Variants in ABTB2 observed in about 807,000 individuals in gnomAD.
The protein encoded by ABTB2 is ankyrin repeat and BTB/POZ domain-containing protein 2.
A neutral mutation model predicts 104.1 loss-of-function variants in ABTB2; 56 were observed. The observed-to-expected ratio is 0.54, with a 90% CI of 0.43 to 0.67. ABTB2 has a LOEUF of 0.67. Ranked by LOEUF, ABTB2 falls within the 30% of genes least tolerant of loss-of-function variation. The probability of loss-of-function intolerance (pLI) is 0.00; values close to 1 mark genes in which losing one functional copy is unlikely to be tolerated. For missense variants in ABTB2, 1,279 were observed against 1,407.7 expected (o/e 0.91, Z 1.46); for synonymous variants, 606 against 608.2 (o/e 1.00, Z 0.05).
At chr11:34,313,040 A>C (rs2133106168) in intron 1 of ABTB2, among the ~76,000 whole-genome samples, 1 of 152,380 alleles carries the variant, frequency 6.6e-6, no homozygotes, top group East Asian at 1.9e-4. Context: ...TTTCTTAGCA[A>C]GTGAAACTAC....
Position 34,152,395 on chromosome 11 carries a change from G to T in ABTB2, c.3070C>A (p.Arg1024=). The stretch of plus-strand genomic sequence containing the variant: ...AGCCTCCGCCCCCTGCCTCACACCC[G>T]GGAGGTGATGTAGACAGAGTGCACG... ...ERVHSVYITS[R]V The change falls in exon 17 of 17, where the codon CGG becomes AGG. Residue 1024 remains arginine, a synonymous_variant. Coordinates refer to ENST00000435224, the MANE Select transcript of ABTB2 (RefSeq NM_145804.3). The T allele has an allele frequency of 6.4e-7, 1 of 1,566,794 alleles. No individual in the cohort carries two copies.
At chr11:34,342,858 A>G (rs1285267922) in intron 1 of ABTB2, among the ~76,000 whole-genome samples, 1 of 152,208 alleles carries the variant, frequency 6.6e-6, no homozygotes, top group African/African-American at 2.4e-5. Context: ...AAAGATGGGA[A>G]TCACAGTATT....
In ABTB2 at chr11:34,164,869, C is replaced by T. The variant is rs377550960; in HGVS notation, c.1853-48G>A. On this transcript the variant is annotated intron_variant, in intron 8 of 16. Coordinates refer to ENST00000435224, the MANE Select transcript of ABTB2 (RefSeq NM_145804.3). ...CGGAGGACACTGAGACAGTAGCCGCCAGGGCAGCTGAGGCGAAAGGGAAGG... is the reference window on the plus strand; with the variant it reads ...CGGAGGACACTGAGACAGTAGCCGCTAGGGCAGCTGAGGCGAAAGGGAAGG... 3 of 1,563,364 alleles carry T rather than the reference C, an allele frequency of 1.9e-6. No individual in the cohort carries two copies. The African/African-American group carries it at 4.2e-5, about 22-fold the overall frequency.
chr11:34,325,245 T>C (rs896019806), intron 1 of ABTB2, among the ~76,000 whole-genome samples: 7 of 152,222 alleles, frequency 4.6e-5, no homozygotes, highest in African/African-American at 1.2e-4. Context: ...AGAGCCTCTT[T>C]AGTGGTCCAT....
chr11:34,179,312 C>A (rs1690157118), intron 3 of ABTB2, among the ~76,000 whole-genome samples: 1 of 152,184 alleles, frequency 6.6e-6, no homozygotes, highest in Admixed American at 6.5e-5. Context: ...CAAATAACTT[C>A]TTGTTATGAA....
At chr11:34,268,040 C>G (rs376261998) in intron 1 of ABTB2, among the ~76,000 whole-genome samples, 1 of 152,280 alleles carries the variant, frequency 6.6e-6, no homozygotes, top group South Asian at 2.1e-4. Flanking sequence ...AAGTGATTCT[C>G]CAGCCTCAGC....
intron 1 of ABTB2, among the ~76,000 whole-genome samples, chr11:34,229,360 AGTCCCAGCTAC>A (rs1590223507): frequency 1.3e-5 from 2 of 151,376 alleles, no homozygotes; most frequent in African/African-American, 4.9e-5. Flanking sequence ...GGGCGCCTGT[AGTCCCAGCTAC>A]TCGGGAGGCT....
intron 1 of ABTB2, among the ~76,000 whole-genome samples, chr11:34,297,858 C>CT (rs1229965819): frequency 6.6e-6 from 1 of 151,544 alleles, no homozygotes; most frequent in Non-Finnish European, 1.5e-5. Context: ...AAGGTGGGGC[C>CT]TTTTAAGAGG....
intron 1 of ABTB2, among the ~76,000 whole-genome samples, chr11:34,261,303 TGGACA>T (rs923133122): frequency 1.1e-4 from 16 of 152,140 alleles, no homozygotes; most frequent in African/African-American, 3.6e-4. Flanking sequence ...GTCACAGCTG[TGGACA>T]GGAAAGATCC....
chr11:34,297,229 A>T (rs902528787), intron 1 of ABTB2, among the ~76,000 whole-genome samples: 1 of 152,136 alleles, frequency 6.6e-6, no homozygotes, highest in Non-Finnish European at 1.5e-5. Flanking sequence ...GCTTTTCCTT[A>T]AAGGTCCCCT....
At chr11:34,156,987 A>C (rs1476167282) in intron 14 of ABTB2, among the ~76,000 whole-genome samples, 2 of 152,228 alleles carry the variant, frequency 1.3e-5, no homozygotes, top group African/African-American at 4.8e-5. Context: ...AGTACTGTCT[A>C]GATGTCCTTG....
At chr11:34,217,437 G>T (rs540740309) in intron 1 of ABTB2, among the ~76,000 whole-genome samples, 1 of 152,136 alleles carries the variant, frequency 6.6e-6, no homozygotes, top group African/African-American at 2.4e-5. Flanking sequence ...ACTGTGCACA[G>T]GTTTTTGTGT....
intron 1 of ABTB2, among the ~76,000 whole-genome samples, chr11:34,345,816 G>A (rs10742313): frequency 0.15 from 23,336 of 152,054 alleles, 3,095 homozygotes; most frequent in East Asian, 0.35. Flanking sequence ...CTGCTGAGAT[G>A]GGCTGAAGAA....
intron 3 of ABTB2, among the ~76,000 whole-genome samples, chr11:34,173,782 A>C (rs552413449): frequency 6.6e-6 from 1 of 150,980 alleles, no homozygotes; most frequent in South Asian, 2.1e-4. Flanking sequence ...TCACAGACCC[A>C]GGTCCAAACC....
intron 1 of ABTB2, chr11:34,334,968 A>G (rs1004075699): frequency 1.4e-5 from 7 of 496,804 alleles, no homozygotes; most frequent in African/African-American, 1.3e-4. Context: ...CAATTTTAAA[A>G]TCCCATATCA....
intron 1 of ABTB2, among the ~76,000 whole-genome samples, chr11:34,294,323 G>T (rs759228696): frequency 1.3e-5 from 2 of 152,026 alleles, no homozygotes; most frequent in Non-Finnish European, 2.9e-5. Flanking sequence ...AGAGCGAGAC[G>T]CTGTCAAAAA....
intron 1 of ABTB2, among the ~76,000 whole-genome samples, chr11:34,234,716 C>T (rs1853818167): frequency 6.6e-6 from 1 of 152,212 alleles, no homozygotes; most frequent in Non-Finnish European, 1.5e-5. Flanking sequence ...AACTAATTGC[C>T]TATTGCGACT....
chr11:34,152,597 G>C lies in ABTB2; in HGVS notation c.2881-13C>G, dbSNP rs747587891. ...GGGCATTGTGGATCTGTAGGGCAGA[G>C]AGAGGAGGGGTGAAGCCCATCGCCT... On this transcript the variant is annotated splice_polypyrimidine_tract_variant and intron_variant, in intron 16 of 16. Coordinates refer to ENST00000435224, the MANE Select transcript of ABTB2 (RefSeq NM_145804.3). The C allele has an allele frequency of 6.3e-6, 10 of 1,593,448 alleles. No individual in the cohort carries two copies. In the Admixed American group the frequency reaches 8.5e-5, roughly 13 times the overall value.
At chr11:34,333,558 C>G (rs959030103) in intron 1 of ABTB2, among the ~76,000 whole-genome samples, 1 of 152,124 alleles carries the variant, frequency 6.6e-6, no homozygotes, top group Non-Finnish European at 1.5e-5. Context: ...GAGTTCAAGA[C>G]CAGCCTGGCC....
Sources: gnomAD v4.1 joint callset for allele counts (sites outside exome capture counted in the v4.1 genomes callset) on GRCh38, gnomAD v4.1.1 for gene constraint, MANE v1.5 for transcripts, NCBI Gene and HGNC (gene_info 2026-07-23, HGNC 2026-07-21) for gene names.